Variants in PSMA2 observed in about 807,000 individuals in gnomAD.
PSMA2 encodes the protein proteasome subunit alpha type-2.
In PSMA2, 2 loss-of-function variants were observed where a neutral mutation model predicts 35.9. The observed-to-expected ratio is 0.06, with a 90% CI of 0.02 to 0.18. PSMA2 has a LOEUF of 0.18. Among genes scored for constraint, PSMA2 ranks in the 10% least tolerant of loss-of-function variants. The probability of loss-of-function intolerance (pLI) is 1.00; values close to 1 mark genes in which losing one functional copy is unlikely to be tolerated. For synonymous variants in PSMA2, 97 were observed against 98.2 expected, an observed-to-expected ratio of 0.99 and a Z score of 0.07; for missense variants, 126 against 278.8, an observed-to-expected ratio of 0.45 and a Z score of 3.90.
Position 42,917,709 on chromosome 7 carries a change from A to G in PSMA2, c.589-19T>C, listed in dbSNP as rs764503162. On this transcript the variant is annotated intron_variant, in intron 7 of 7. Transcript: ENST00000223321. ...AGCTTTCCTATTGAGGAGGGAGGAA[A>G]AAAGGTCAATTTTCTAAGCAGTTAA... 1 of 1,612,382 alleles carries G rather than the reference A, an allele frequency of 6.2e-7. No homozygotes were observed. The highest frequency in any genetic ancestry group is 8.5e-7 in the Non-Finnish European group (1 of 1,178,614).
intron 5 of PSMA2, 102 bp downstream of exon 5, chr7:42,923,223 A>C: frequency 1.1e-6 from 1 of 899,576 alleles, no homozygotes; most frequent in Non-Finnish European, 1.7e-6. Flanking sequence ...AGAGAAAAGA[A>C]GAAAATACTG....
Position 42,923,329 on chromosome 7 carries a change from GGATCT to G in PSMA2, c.447_451del (p.Asp150IlefsTer24). On this transcript the variant is annotated frameshift_variant, in exon 5 of 8. Transcript: ENST00000223321. LOFTEE classifies it high-confidence loss of function. ...AATACATTAAATGATACTTACAGAT[GGATCT>G]GACTGAAATAAATATGGTCGTCCCT... 6.3e-7 allele frequency: 1 copy of G among 1,599,106 alleles called. No individual in the cohort carries two copies.
At position 42,917,504 on chromosome 7, in the gene PSMA2, C is replaced by G; in HGVS notation, c.*70G>C. On this transcript the variant is annotated 3_prime_UTR_variant, in exon 8 of 8. Coordinates refer to ENST00000223321, the MANE Select transcript of PSMA2 (RefSeq NM_002787.5). ...ATAAGTATGCAAAAAGTCTGCAAAACAAAACATACTTTAAACATGTTTAAG... is the reference window on the plus strand; with the variant it reads ...ATAAGTATGCAAAAAGTCTGCAAAAGAAAACATACTTTAAACATGTTTAAG... 8.0e-7 allele frequency: 1 copy of G among 1,246,946 alleles called. No individual in the cohort carries two copies. The highest frequency in any genetic ancestry group is 1.2e-6 in the Non-Finnish European group (1 of 865,344). The allele number at this position is 1,246,946 out of a possible 1,614,324, so 77.2% of individuals were successfully genotyped here.
At chr7:42,924,510 A>G (rs1786178314) in intron 4 of PSMA2, among the ~76,000 whole-genome samples, 165 bp downstream of exon 4, 1 of 152,134 alleles carries the variant, frequency 6.6e-6, no homozygotes, top group Admixed American at 6.6e-5. Context: ...TTCCTTAAAT[A>G]AATACTCCAG....
chr7:42,927,599 G>C, intron 1 of PSMA2, 140 bp from the exon 2 acceptor site: 1 of 759,260 alleles, frequency 1.3e-6, no homozygotes, highest in South Asian at 1.8e-5. Context: ...CCTCTATCAT[G>C]AAGTGGCACA....
intron 1 of PSMA2, among the ~76,000 whole-genome samples, chr7:42,930,542 C>G (rs1786286812): frequency 6.6e-6 from 1 of 151,844 alleles, no homozygotes; most frequent in Non-Finnish European, 1.5e-5. Context: ...GTGAGTCACC[C>G]TGCCTGGCCA....
At chr7:42,918,427 C>T (rs943953532) in intron 6 of PSMA2, 1 of 152,184 alleles carries the variant, frequency 6.6e-6, no homozygotes, top group African/African-American at 2.4e-5. Context: ...TTGCTAAAAT[C>T]TTTTTCTTAT....
chr7:42,923,379 T>G lies in PSMA2; in HGVS notation c.402A>C (p.Leu134Phe). The change falls in exon 5 of 8, where the codon TTA becomes TTC. Residue 134 changes from leucine to phenylalanine, a missense_variant. Around this residue, in one of 3 missense-constraint regions of PSMA2, gnomAD observed 6 missense variants for 44.0 expected, o/e 0.14. Coordinates refer to ENST00000223321, the MANE Select transcript of PSMA2 (RefSeq NM_002787.5). ...GTCCCTCATTCCAACCACAAATAAG[T>G]AAAGAAACTCCAAATGGACGAACAC... ...SGGVRPFGVSLLICGWNEGRP... is the reference protein window; with the variant it reads ...SGGVRPFGVSFLICGWNEGRP... 6.2e-7 allele frequency: 1 copy of G among 1,612,858 alleles called. No homozygotes were observed.
intron 7 of PSMA2, 42 bp downstream of exon 7, chr7:42,917,736 C>T (rs1786054457): frequency 6.2e-7 from 1 of 1,609,884 alleles, no homozygotes; most frequent in South Asian, 1.1e-5. Context: ...AGCAGTTAAT[C>T]ATGAAATCAT....
intron 6 of PSMA2, chr7:42,919,460 T>C: frequency 1.9e-6 from 1 of 535,088 alleles, no homozygotes; most frequent in Non-Finnish European, 3.7e-6. Context: ...CTGAGGAAAT[T>C]AGTGATCACA....
At chr7:42,922,046 A>T in intron 5 of PSMA2, 115 bp from the exon 6 acceptor site, 1 of 749,938 alleles carries the variant, frequency 1.3e-6, no homozygotes, top group Non-Finnish European at 2.1e-6. Flanking sequence ...AGGTCACAGA[A>T]TATTATTAGA....
chr7:42,919,749 A>G lies in PSMA2; in HGVS notation c.531-1914T>C. The G allele has an allele frequency of 6.4e-6, 4 of 623,184 alleles. No individual in the cohort carries two copies. In the South Asian group the frequency reaches 6.5e-5, roughly 10 times the overall value. The allele number at this position is 623,184 out of a possible 1,614,324, so 38.6% of individuals were successfully genotyped here. A position where few individuals can be genotyped will look rare whatever the true frequency, so the allele number is the denominator to read the frequency against. The stretch of plus-strand genomic sequence containing the variant: ...ACTCTGAATCTCTTCACCTTGAGAA[A>G]GAATTTCTTGTTGCAGGTGGTGAAG... On this transcript the variant is annotated intron_variant, in intron 6 of 7. Transcript: ENST00000223321.
chr7:42,922,064 A>C, intron 5 of PSMA2, 133 bp from the exon 6 acceptor site: 2 of 685,244 alleles, frequency 2.9e-6, no homozygotes, highest in South Asian at 4.2e-5. Context: ...AGAATGGAAA[A>C]CGTCACAGAA....
intron 5 of PSMA2, 34 bp downstream of exon 5, chr7:42,923,291 A>C: frequency 6.7e-7 from 1 of 1,502,266 alleles, no homozygotes; most frequent in Admixed American, 1.7e-5. Flanking sequence ...GAGCACTTTT[A>C]ACAAATCCCT....
Position 42,927,396 on chromosome 7 carries a change from G to A in PSMA2, c.105C>T (p.Ser35=), listed in dbSNP as rs766817071. 9.9e-6 allele frequency: 16 copies of A among 1,613,676 alleles called. No individual in the cohort carries two copies. The highest frequency in any genetic ancestry group is 1.6e-4 in the Middle Eastern group (1 of 6,066). ...ALAAVAGGAP[S]VGIKAANGVV... ...GCATTTCATTACCTTTAATTCCCAC[G>A]GACGGGGCTCCTCCAGCTACAGCAG... Residue 35 remains serine (S), a synonymous_variant, in exon 2 of 8, where the codon TCC becomes TCT. Transcript: ENST00000223321.
In PSMA2 at chr7:42,919,591, A is replaced by C. The variant is rs1000664082; in HGVS notation, c.531-1756T>G. 250 of 536,164 alleles carry C rather than the reference A, an allele frequency of 4.7e-4. 2 individuals carry two copies. The highest frequency in any genetic ancestry group is 4.2e-3 in the African/African-American group (219 of 51,712). 33.2% of individuals were successfully genotyped at this position (536,164 alleles called of 1,614,324 possible). ...GACAGAAGTGAAATCTCTAAATTTT[A>C]TTATGTTGGCTAGTAGTATGGAATA... On this transcript the variant is annotated intron_variant, in intron 6 of 7. Coordinates refer to ENST00000223321, the MANE Select transcript of PSMA2 (RefSeq NM_002787.5).
At chr7:42,925,180 G>A (rs1274418072) in intron 3 of PSMA2, among the ~76,000 whole-genome samples, 1 of 152,134 alleles carries the variant, frequency 6.6e-6, no homozygotes, top group African/African-American at 2.4e-5. Context: ...TCTCACTTCA[G>A]GTCACTACTT....
chr7:42,927,676 C>T (rs1190591252), intron 1 of PSMA2, among the ~76,000 whole-genome samples: 2 of 152,144 alleles, frequency 1.3e-5, no homozygotes, highest in Admixed American at 6.5e-5. Flanking sequence ...AAGGCCAAGA[C>T]GGGTGGATCA....
intron 1 of PSMA2, among the ~76,000 whole-genome samples, chr7:42,931,412 CTTA>C (rs1786309307): frequency 1.3e-5 from 2 of 152,172 alleles, no homozygotes; most frequent in South Asian, 4.1e-4. Flanking sequence ...GGAAAGTAAA[CTTA>C]TTATTCTAAT....
Sources: allele counts gnomAD v4.1 joint callset (sites outside exome capture counted in the v4.1 genomes callset), GRCh38; gene constraint gnomAD v4.1.1; regional missense constraint gnomAD v4.1.1; transcripts MANE v1.5; gene names NCBI Gene and HGNC (gene_info 2026-07-23, HGNC 2026-07-21).